Variants in CHDH observed in about 807,000 individuals in gnomAD.
The protein encoded by CHDH is choline dehydrogenase, mitochondrial.
Under a neutral mutation model 56.9 loss-of-function variants are expected in CHDH, and 43 were observed. The ratio of observed to expected loss-of-function variants is 0.76; its 90% CI spans 0.59 to 0.97. CHDH has a LOEUF of 0.97. CHDH is among the 50% of genes least tolerant of loss of function. The pLI is 0.00. For missense variants in CHDH, 816 were observed against 821.1 expected (o/e 0.99, Z 0.08); for synonymous variants, 364 against 348.5 (o/e 1.04, Z -0.50).
chr3:53,845,983 C>T (rs891119070), intron 1 of CHDH, 100 bp downstream of exon 1: 2 of 152,184 alleles, frequency 1.3e-5, no homozygotes, highest in Non-Finnish European at 2.9e-5. Flanking sequence ...CGGGTCTCGG[C>T]GTCCAGCCCG....
intron 2 of CHDH, among the ~76,000 whole-genome samples, chr3:53,827,135 T>C (rs1041425203): frequency 6.6e-6 from 1 of 152,174 alleles, no homozygotes; most frequent in Non-Finnish European, 1.5e-5. Flanking sequence ...GATTTGTGCC[T>C]CCACCCAAAT....
chr3:53,821,812 C>T (rs1451823622), intron 4 of CHDH, 36 bp from the exon 5 acceptor site: 10 of 1,609,100 alleles, frequency 6.2e-6, no homozygotes, highest in Non-Finnish European at 8.5e-6. Flanking sequence ...CCCTGAAAAG[C>T]CAGCTGTTCT....
chr3:53,825,538 AAAAAC>A lies in CHDH; in HGVS notation c.-59-1476_-59-1472del, dbSNP rs1173004170. Among the ~76,000 whole-genome samples, 48 of 152,350 alleles carry A rather than the reference AAAAAC, an allele frequency of 3.2e-4. 1 individual carries two copies. Among genetic ancestry groups the A allele is most frequent in the Admixed American group, 2.1e-3 (32 of 15,302 alleles). On this transcript the variant is annotated intron_variant, in intron 2 of 8. Transcript: ENST00000315251. ...GGAAATATAAAGAGGGGAAGAGAGA[AAAAAC>A]AACCAACAACTCTGGGACAATATCA...
In CHDH at chr3:53,841,174, GA is replaced by G. The variant is rs1394585177; in HGVS notation, c.-130-176del. ...CATCATATTTTAAAAATTGGCCCATGAAAGATTAAAATTTTAAAAACAGTCA... is the reference window on the plus strand; with the variant it reads ...CATCATATTTTAAAAATTGGCCCATGAAGATTAAAATTTTAAAAACAGTCA... On this transcript the variant is annotated intron_variant, in intron 1 of 8. Coordinates refer to ENST00000315251, the MANE Select transcript of CHDH (RefSeq NM_018397.5). 5.3e-5 allele frequency among the ~76,000 whole-genome samples: 8 copies of G among 152,096 alleles called. No individual in the cohort carries two copies. The East Asian group carries it at 1.5e-3, about 29-fold the overall frequency.
chr3:53,824,546 G>C (rs996991543), intron 2 of CHDH, among the ~76,000 whole-genome samples: 4 of 152,182 alleles, frequency 2.6e-5, no homozygotes, highest in African/African-American at 9.7e-5. Flanking sequence ...CTGGGAAAAG[G>C]ACAAGACTTA....
rs202031062 is a variant in CHDH at position 53,816,131 on chromosome 3, A to ACC, written c.*1645_*1646insGG. On this transcript the variant is annotated 3_prime_UTR_variant, in exon 9 of 9. Coordinates refer to ENST00000315251, the MANE Select transcript of CHDH (RefSeq NM_018397.5). ...CAGAAAACTAACTTGTGGCTGTCGGACGCCCCCCCCCCCCGCCCCAGTCTG... is the reference window on the plus strand; with the variant it reads ...CAGAAAACTAACTTGTGGCTGTCGGACCCGCCCCCCCCCCCCGCCCCAGTCTG... The ACC allele has an allele frequency of 4.1e-4, 36 of 86,996 alleles. 3 individuals are homozygous for ACC. Among genetic ancestry groups the ACC allele is most frequent in the African/African-American group, 2.0e-3 (28 of 14,306 alleles). The allele number at this position is 86,996 out of a possible 1,614,324, so 5.4% of individuals were successfully genotyped here. A position where few individuals can be genotyped will look rare whatever the true frequency, so the allele number is the denominator to read the frequency against.
Position 53,819,059 on chromosome 3 carries a change from A to C in CHDH, c.1264-19T>G. The C allele has an allele frequency of 1.3e-6, 2 of 1,547,416 alleles. No individual in the cohort carries two copies. The highest frequency in any genetic ancestry group is 1.8e-6 in the Non-Finnish European group (2 of 1,121,500). On this transcript the variant is annotated intron_variant, in intron 7 of 8. Transcript: ENST00000315251. The surrounding 1 kb of genome is among the most constrained non-coding windows in gnomAD (Gnocchi z 5.4). The stretch of plus-strand genomic sequence containing the variant: ...CATGTACCTAGAAGAACACAGAGGA[A>C]GCAGTGACGGTCCCTCCATAGACAT...
chr3:53,820,094 G>C (rs1381827423), intron 6 of CHDH, among the ~76,000 whole-genome samples: 1 of 152,180 alleles, frequency 6.6e-6, no homozygotes, highest in African/African-American at 2.4e-5. Flanking sequence ...AAAGATGAAT[G>C]CTGATTCTGC....
chr3:53,824,995 T>A (rs938817373), intron 2 of CHDH, among the ~76,000 whole-genome samples: 2 of 152,134 alleles, frequency 1.3e-5, no homozygotes, highest in African/African-American at 4.8e-5. Context: ...CCTCCTCCCG[T>A]CCACCGTTGC....
Position 53,846,332 on chromosome 3 carries a change from G to T in CHDH, c.-380C>A. 2.3e-6 allele frequency: 1 copy of T among 441,960 alleles called. No individual in the cohort carries two copies. The highest frequency in any genetic ancestry group is 4.0e-6 in the Non-Finnish European group (1 of 252,574). 27.4% of individuals were successfully genotyped at this position (441,960 alleles called of 1,614,324 possible). A position where few individuals can be genotyped will look rare whatever the true frequency, so the allele number is the denominator to read the frequency against. ...GATGCACCTGGCTCACTGCATGCAC[G>T]TGTGCGCGGGGGTAGGCGCGCGCCG... is the stretch of plus-strand genomic sequence containing the variant. On this transcript the variant is annotated 5_prime_UTR_variant, in exon 1 of 9. Transcript: ENST00000315251.
At chr3:53,820,387 T>C (rs1359224040) in intron 6 of CHDH, 87 bp downstream of exon 6, 7 of 1,469,174 alleles carry the variant, frequency 4.8e-6, no homozygotes, top group Non-Finnish European at 6.4e-6. Flanking sequence ...TCAAACCCAG[T>C]GGCCAGAACC....
intron 3 of CHDH, among the ~76,000 whole-genome samples, 172 bp downstream of exon 3, chr3:53,823,134 G>A (rs1400875084): frequency 6.6e-6 from 1 of 152,160 alleles, no homozygotes; most frequent in Non-Finnish European, 1.5e-5. Context: ...AGGGCTCCGG[G>A]TTGTACTCTT....
At chr3:53,837,959 A>G (rs986319893) in intron 2 of CHDH, among the ~76,000 whole-genome samples, 1 of 144,438 alleles carries the variant, frequency 6.9e-6, no homozygotes, top group Non-Finnish European at 1.5e-5. Context: ...CTCGAGGCTT[A>G]GGCAAAAGAA....
intron 2 of CHDH, among the ~76,000 whole-genome samples, chr3:53,834,057 G>A (rs1359785932): frequency 6.6e-6 from 1 of 152,154 alleles, no homozygotes; most frequent in Non-Finnish European, 1.5e-5. Context: ...ACAAACATGG[G>A]GGCCACCACG....
intron 1 of CHDH, among the ~76,000 whole-genome samples, chr3:53,843,052 C>A (rs1229428808): frequency 6.6e-6 from 1 of 152,116 alleles, no homozygotes; most frequent in Non-Finnish European, 1.5e-5. Context: ...GAGGCTGGAC[C>A]CGCAGGACTT....
intron 2 of CHDH, 118 bp from the exon 3 acceptor site, chr3:53,824,185 T>C (rs1157199728): frequency 1.8e-6 from 1 of 562,672 alleles, no homozygotes; most frequent in African/African-American, 2.0e-5. Context: ...TCAAAGGAAC[T>C]AGGAGGAGGA....
rs748590360 is a variant in CHDH at position 53,823,781 on chromosome 3, G to A, written c.228C>T (p.Asp76=). ...AGAGCCGCTTGCTCCCCGCGAGCAC[G>A]TCCTTGGGCCCGGCCTCCAGCAGCA... is the stretch of plus-strand genomic sequence containing the variant. The part of the protein sequence containing the change: ...RVLLLEAGPK[D]VLAGSKRLSW... The change falls in exon 3 of 9, where the codon GAC becomes GAT. Residue 76 remains aspartate (D), a synonymous_variant. Transcript: ENST00000315251. 8.9e-6 allele frequency: 14 copies of A among 1,572,666 alleles called. 1 individual carries two copies. Among genetic ancestry groups the A allele is most frequent in the Admixed American group, 1.8e-5 (1 of 54,780 alleles).
intron 2 of CHDH, among the ~76,000 whole-genome samples, chr3:53,828,241 A>G (rs985882878): frequency 1.3e-5 from 2 of 152,060 alleles, no homozygotes; most frequent in South Asian, 4.1e-4. Flanking sequence ...CACAAAAATT[A>G]ACTCAAAATG....
chr3:53,818,938 C>T lies in CHDH; in HGVS notation c.1366G>A (p.Glu456Lys), dbSNP rs763169785. ...PVIQPNYLST[E>K]TDIEDFRLCV... Reference sequence around the variant, plus strand: ...AGGAAGACACAGGTGGGTGAAGTACCTGTTGACAAGTAGTTGGGCTGGATC... The same window carrying T: ...AGGAAGACACAGGTGGGTGAAGTACTTGTTGACAAGTAGTTGGGCTGGATC... Residue 456 changes from glutamate to lysine, a missense_variant and splice_region_variant, in exon 8 of 9, where the codon GAA becomes AAA. Transcript: ENST00000315251. 1 of 1,598,762 alleles carries T rather than the reference C, an allele frequency of 6.3e-7. No individual in the cohort carries two copies. Among genetic ancestry groups the T allele is most frequent in the Non-Finnish European group, 8.6e-7 (1 of 1,165,938 alleles).
Sources: gnomAD v4.1 joint callset for allele counts (sites outside exome capture counted in the v4.1 genomes callset) on GRCh38, gnomAD v4.1.1 for gene constraint, Gnocchi (gnomAD v3.1) non-coding constraint, MANE v1.5 for transcripts, NCBI Gene and HGNC (gene_info 2026-07-23, HGNC 2026-07-21) for gene names.